Variants in ADD1 observed in about 807,000 individuals in gnomAD.
ADD1 encodes adducin 1.
A neutral mutation model predicts 80.5 loss-of-function variants in ADD1; 24 were observed. That is an observed-to-expected ratio of 0.30 (90% CI 0.22 to 0.42). The LOEUF (loss-of-function observed/expected upper bound fraction) is 0.42, where lower values mean the gene tolerates loss of function less well. ADD1 is among the 10% of genes least tolerant of loss of function. The pLI is 1.00. For synonymous variants in ADD1, 373 were observed against 393.8 expected (o/e 0.95, Z 0.63); for missense variants, 948 against 1,019.0 (o/e 0.93, Z 0.95).
chr4:2,887,342 G>A lies in ADD1; in HGVS notation c.510+2676G>A, dbSNP rs35238514. Among the ~76,000 whole-genome samples the A allele has an allele frequency of 3.4e-3, 517 of 152,236 alleles. 1 individual carries two copies. Among genetic ancestry groups the A allele is most frequent in the African/African-American group, 0.012 (501 of 41,544 alleles). On this transcript the variant is annotated intron_variant, in intron 4 of 15. Transcript: ENST00000683351. ...GCCCTTTCTTTGAAAGGGGGTCATA[G>A]GGATTTTCTGCTAAAGGGATTTAAA...
rs560597029 is a variant in ADD1 at position 2,849,993 on chromosome 4, C to T, written c.-21+5969C>T. Among the ~76,000 whole-genome samples, 5 of 152,264 alleles carry T rather than the reference C, an allele frequency of 3.3e-5. No homozygotes were observed. The South Asian group carries it at 6.2e-4, about 19-fold the overall frequency. On this transcript the variant is annotated intron_variant, in intron 1 of 15. Transcript: ENST00000683351. ...CAAAGGCCAAGTGAAAACATATGTCCGTACAAAAGCTTGTGTGTGAATGTT... is the reference window on the plus strand; with the variant it reads ...CAAAGGCCAAGTGAAAACATATGTCTGTACAAAAGCTTGTGTGTGAATGTT...
At chr4:2,879,360 C>CTTTA (rs893751679) in intron 2 of ADD1, among the ~76,000 whole-genome samples, 5 of 152,138 alleles carry the variant, frequency 3.3e-5, no homozygotes, top group Non-Finnish European at 5.9e-5. Context: ...CCTTACCAAG[C>CTTTA]TTTAAGTTTC....
Position 2,858,091 on chromosome 4 carries a change from C to T in ADD1, c.-21+14067C>T, listed in dbSNP as rs373145706. Among the ~76,000 whole-genome samples the T allele has an allele frequency of 8.5e-5, 13 of 152,284 alleles. No homozygotes were observed. In the East Asian group the frequency reaches 1.2e-3, roughly 14 times the overall value. On this transcript the variant is annotated intron_variant, in intron 1 of 15. Coordinates refer to ENST00000683351, the MANE Select transcript of ADD1 (RefSeq NM_001354761.2). Reference sequence around the variant, plus strand: ...CAGTTGGATTAAAAAAATGACCATACGAAGCCGTGATAACAGCCTCTAGGA... The same window carrying T: ...CAGTTGGATTAAAAAAATGACCATATGAAGCCGTGATAACAGCCTCTAGGA...
chr4:2,913,323 G>C (rs965727437), intron 13 of ADD1, among the ~76,000 whole-genome samples: 1 of 152,234 alleles, frequency 6.6e-6, no homozygotes, highest in Non-Finnish European at 1.5e-5. Context: ...CATCATGTGA[G>C]GGCTCTTAGC....
chr4:2,847,488 C>G (rs2108770582), intron 1 of ADD1, among the ~76,000 whole-genome samples: 1 of 152,282 alleles, frequency 6.6e-6, no homozygotes, highest in South Asian at 2.1e-4. Flanking sequence ...TCTTCTAAGC[C>G]AAACATTTTG....
rs556684028 is a variant in ADD1, at chr4:2,887,345, A to G, written c.510+2679A>G. On this transcript the variant is annotated intron_variant, in intron 4 of 15. Transcript: ENST00000683351. ...CTTTCTTTGAAAGGGGGTCATAGGG[A>G]TTTTCTGCTAAAGGGATTTAAAATT... is the stretch of plus-strand genomic sequence containing the variant. Among the ~76,000 whole-genome samples the G allele has an allele frequency of 1.1e-4, 17 of 150,634 alleles. No individual in the cohort carries two copies. The South Asian group carries it at 3.6e-3, about 32-fold the overall frequency.
chr4:2,847,752 T>G (rs1726468947), intron 1 of ADD1, among the ~76,000 whole-genome samples: 1 of 152,168 alleles, frequency 6.6e-6, no homozygotes, highest in South Asian at 2.1e-4. Context: ...TAGAAGTACA[T>G]TGGTTCAGTC....
intron 2 of ADD1, among the ~76,000 whole-genome samples, chr4:2,876,591 C>G (rs1276740816): frequency 2.0e-5 from 3 of 151,872 alleles, no homozygotes; most frequent in Non-Finnish European, 4.4e-5. Context: ...AATCCCAGCA[C>G]TTTGGGAGGC....
chr4:2,911,912 C>G (rs1454337365), intron 13 of ADD1, among the ~76,000 whole-genome samples: 1 of 152,154 alleles, frequency 6.6e-6, no homozygotes, highest in Non-Finnish European at 1.5e-5. Context: ...TCTCCAACAC[C>G]CTTCATGCTG....
chr4:2,928,387 C>T lies in ADD1; in HGVS notation c.2264C>T (p.Ala755Val), dbSNP rs755512148. The change falls in exon 16 of 16, where the codon GCC becomes GTC. Residue 755 changes from alanine to valine, a missense_variant. Transcript: ENST00000683351. ...CCAGCCCCGGTGGCTGAAGAGGCTG[C>T]CCCCTCAGCTGTCGAGGAGGGGGCC... ...PDPAPVAEEA[A>V]PSAVEEGAAA... 3.1e-6 allele frequency: 5 copies of T among 1,613,134 alleles called. No homozygotes were observed. The South Asian group carries it at 4.4e-5, about 14-fold the overall frequency.
chr4:2,912,021 C>G (rs994838316), intron 13 of ADD1, among the ~76,000 whole-genome samples: 1 of 152,186 alleles, frequency 6.6e-6, no homozygotes, highest in Non-Finnish European at 1.5e-5. Context: ...ACTGGGAATG[C>G]CAGTCCAGAT....
rs192147042 is a variant in ADD1, at chr4:2,868,859, G to C, written c.-20-7037G>C. On this transcript the variant is annotated intron_variant, in intron 1 of 15. Coordinates refer to ENST00000683351, the MANE Select transcript of ADD1 (RefSeq NM_001354761.2). ...GGGGCGTGGGGAACCTTCATAGAGC[G>C]GGAAGCATTCGAGTTGGATATTGAG... Among the ~76,000 whole-genome samples the C allele has an allele frequency of 9.2e-5, 14 of 152,272 alleles. No individual in the cohort carries two copies. In the East Asian group the frequency reaches 9.7e-4, roughly 11 times the overall value.
intron 13 of ADD1, among the ~76,000 whole-genome samples, chr4:2,911,448 A>ATATATATATATATATATATTTTTTTTT (rs553567632): frequency 1.9e-4 from 25 of 130,476 alleles, no homozygotes; most frequent in African/African-American, 7.1e-4. Context: ...ATATATATAT[A>ATATATATATATATATATATTTTTTTTT]TTTTTTTTTT....
rs1195590318 is a variant in ADD1, at chr4:2,920,613, T to C, written c.1949-5401T>C. On this transcript the variant is annotated intron_variant, in intron 14 of 15. Transcript: ENST00000683351. The stretch of plus-strand genomic sequence containing the variant: ...CTGCTTTGTCTTTTTAAATTTTTGT[T>C]GGCTTAAAGTCTGTTTTATTAGAGA... 2.0e-5 allele frequency among the ~76,000 whole-genome samples: 3 copies of C among 151,726 alleles called. No individual in the cohort carries two copies. The South Asian group carries it at 6.2e-4, about 32-fold the overall frequency.
intron 1 of ADD1, among the ~76,000 whole-genome samples, chr4:2,866,150 A>T (rs1424559133): frequency 6.6e-6 from 1 of 152,214 alleles, no homozygotes; most frequent in South Asian, 2.1e-4. Context: ...TTCATGGGCC[A>T]TCTGAAGATT....
chr4:2,912,269 G>A (rs1324888182), intron 13 of ADD1, among the ~76,000 whole-genome samples: 3 of 152,218 alleles, frequency 2.0e-5, no homozygotes, highest in South Asian at 2.1e-4. Context: ...CATGAGTGGC[G>A]TATGTTTCTC....
chr4:2,892,780 G>A (rs1734519847), intron 4 of ADD1, among the ~76,000 whole-genome samples: 1 of 151,540 alleles, frequency 6.6e-6, no homozygotes, highest in East Asian at 1.9e-4. Flanking sequence ...GCTGCAGTGA[G>A]CATGATTGCG....
chr4:2,877,252 C>T (rs1351811657), intron 2 of ADD1, among the ~76,000 whole-genome samples: 2 of 151,788 alleles, frequency 1.3e-5, no homozygotes, highest in African/African-American at 4.8e-5. Context: ...TCTTACTGTG[C>T]CCCTTCATAC....
intron 14 of ADD1, among the ~76,000 whole-genome samples, chr4:2,921,413 C>A (rs1004910785): frequency 6.6e-6 from 1 of 152,328 alleles, no homozygotes; most frequent in Admixed American, 6.5e-5. Context: ...CAGGCGTGAG[C>A]CACTGCACCC....
Sources: allele counts gnomAD v4.1 joint callset (sites outside exome capture counted in the v4.1 genomes callset), GRCh38; gene constraint gnomAD v4.1.1; transcripts MANE v1.5; gene names NCBI Gene and HGNC (gene_info 2026-07-23, HGNC 2026-07-21).